ADGRV1: variants seen among roughly 807,000 people sequenced by gnomAD.
ADGRV1 encodes adhesion G protein-coupled receptor V1, also known as G-protein coupled receptor 98.
In ADGRV1, 359 loss-of-function variants were observed where a neutral mutation model predicts 596.2. The ratio of observed to expected loss-of-function variants is 0.60; its 90% confidence interval spans 0.55 to 0.66. ADGRV1 has a LOEUF of 0.66. ADGRV1 is among the 30% of genes least tolerant of loss of function. The pLI is 0.00. For missense variants in ADGRV1, 7,274 were observed against 7,575.6 expected (o/e 0.96, Z 1.48); for synonymous variants, 2,681 against 2,679.2 (o/e 1.00, Z -0.02).
chr5:90,693,866 T>C (rs1746815526), intron 32 of ADGRV1, 24 bp from the exon 33 acceptor site: 1 of 1,503,348 alleles, frequency 6.7e-7, no homozygotes, highest in East Asian at 2.3e-5. Context: ...TAACCTGTCT[T>C]TTAATTGTCA....
rs772203969 is a variant in ADGRV1, at chr5:90,685,449, G to A, written c.6275-331G>A. Among the ~76,000 whole-genome samples the A allele has an allele frequency of 9.2e-5, 14 of 151,930 alleles. 1 individual carries two copies. Among genetic ancestry groups the A allele is most frequent in the Non-Finnish European group, 1.8e-4 (12 of 67,988 alleles). On this transcript the variant is annotated intron_variant, in intron 28 of 89. Transcript: ENST00000405460. ...ATATAAAAGAAATTAGCCGGGCATG[G>A]CAGCACGTGCCTGTAGTCCCAGCTA...
chr5:91,067,142 A>ATTT lies in ADGRV1; in HGVS notation c.18153-5288_18153-5286dup, dbSNP rs35645124. Among the ~76,000 whole-genome samples the ATTT allele has an allele frequency of 3.1e-4, 41 of 130,370 alleles. 2 individuals are homozygous for ATTT. The highest frequency in any genetic ancestry group is 2.0e-3 in the South Asian group (8 of 4,042). 85.5% of individuals were successfully genotyped at this position (130,370 alleles called of 152,430 possible). The stretch of plus-strand genomic sequence containing the variant: ...ATAAGTAGGGAGAATTGCAAAGGAG[A>ATTT]TTTTTTTTTTTTTTTTTTTGAGACG... On this transcript the variant is annotated intron_variant, in intron 85 of 89. Transcript: ENST00000405460.
At chr5:90,986,087 TAA>T (rs776991818) in intron 85 of ADGRV1, among the ~76,000 whole-genome samples, 16 of 70,626 alleles carry the variant, frequency 2.3e-4, no homozygotes, top group African/African-American at 1.2e-3. Flanking sequence ...TATATATGCA[TAA>T]TATATATATA....
At chr5:90,965,635 ATATCCATCACTGCATTCT>A (rs1778388918) in intron 84 of ADGRV1, 104 bp downstream of exon 84, 2 of 604,224 alleles carry the variant, frequency 3.3e-6, no homozygotes, top group Non-Finnish European at 5.9e-6. Context: ...GTAATTCCGT[ATATCCATCACTGCATTCT>A]CAGGATATAA....
At chr5:90,783,787 A>G (rs1006389604) in intron 66 of ADGRV1, 51 bp from the exon 67 acceptor site, 78 of 1,354,300 alleles carry the variant, frequency 5.8e-5, no homozygotes, top group Non-Finnish European at 6.9e-5. Flanking sequence ...GGGATTTTAC[A>G]AGCACTTTAA....
At chr5:90,999,189 A>G (rs1781661049) in intron 85 of ADGRV1, among the ~76,000 whole-genome samples, 1 of 151,968 alleles carries the variant, frequency 6.6e-6, no homozygotes, top group Non-Finnish European at 1.5e-5. Context: ...TTATTTCTCT[A>G]TTAACACATC....
intron 26 of ADGRV1, 103 bp downstream of exon 26, chr5:90,679,732 C>A: frequency 1.5e-6 from 1 of 649,590 alleles, no homozygotes; most frequent in South Asian, 2.5e-5. Flanking sequence ...ATGTGTAGGT[C>A]CTTTACATAT....
chr5:90,997,884 A>G (rs1242714028), intron 85 of ADGRV1, among the ~76,000 whole-genome samples: 1 of 152,166 alleles, frequency 6.6e-6, no homozygotes, highest in Non-Finnish European at 1.5e-5. Flanking sequence ...GTGTCTAGGG[A>G]AAATGCATGT....
chr5:91,111,516 TA>T (rs1792368598), intron 87 of ADGRV1, among the ~76,000 whole-genome samples: 1 of 152,222 alleles, frequency 6.6e-6, no homozygotes, highest in Non-Finnish European at 1.5e-5. Flanking sequence ...TCTGCTTAGA[TA>T]CAGTACATAT....
In ADGRV1 at chr5:90,755,075, C is replaced by T. The variant is rs1325121350; in HGVS notation, c.11470C>T (p.Leu3824=). ...CTTGAGAGCTCAACCCAATTTCTTACTGCATGTCGATAATCAAGCTACTGA... is the reference window on the plus strand; with the variant it reads ...CTTGAGAGCTCAACCCAATTTCTTATTGCATGTCGATAATCAAGCTACTGA... ...IHLRAQPNFL[L]HVDNQATENE... The change falls in exon 55 of 90, where the codon CTG becomes TTG. Residue 3824 remains leucine (L), a synonymous_variant. Transcript: ENST00000405460. 6.2e-7 allele frequency: 1 copy of T among 1,610,754 alleles called. No homozygotes were observed. Among genetic ancestry groups the T allele is most frequent in the South Asian group, 1.1e-5 (1 of 91,008 alleles).
chr5:91,126,503 T>C (rs1793769520), intron 87 of ADGRV1, among the ~76,000 whole-genome samples: 1 of 152,052 alleles, frequency 6.6e-6, no homozygotes, highest in Non-Finnish European at 1.5e-5. Flanking sequence ...ATAGACTTAG[T>C]GAAGAGGGTA....
chr5:90,614,627 A>G, intron 1 of ADGRV1: 1 of 601,976 alleles, frequency 1.7e-6, no homozygotes. Flanking sequence ...ACTTCTGAAT[A>G]GTAGAAAGAG....
intron 84 of ADGRV1, among the ~76,000 whole-genome samples, chr5:90,976,320 G>GTATATATA (rs1250040638): frequency 7.2e-4 from 80 of 110,388 alleles, no homozygotes; most frequent in African/African-American, 2.7e-3. Context: ...GTGTGTGTGT[G>GTATATATA]TGTATATATA....
intron 87 of ADGRV1, among the ~76,000 whole-genome samples, chr5:91,104,033 A>G (rs1791628451): frequency 6.6e-6 from 1 of 152,228 alleles, no homozygotes; most frequent in Admixed American, 6.5e-5. Context: ...TCTTTAAGCA[A>G]GGGGAAGCCA....
intron 85 of ADGRV1, among the ~76,000 whole-genome samples, chr5:90,992,213 G>T (rs1463009127): frequency 6.6e-6 from 1 of 152,196 alleles, no homozygotes; most frequent in African/African-American, 2.4e-5. Flanking sequence ...CTTAAAACAT[G>T]ATTCAAATTC....
chr5:90,812,773 A>T (rs1278902372), intron 74 of ADGRV1, among the ~76,000 whole-genome samples: 1 of 152,088 alleles, frequency 6.6e-6, no homozygotes, highest in Non-Finnish European at 1.5e-5. Context: ...TTCTTATTCT[A>T]TTCTACAAGT....
intron 74 of ADGRV1, among the ~76,000 whole-genome samples, chr5:90,814,398 C>A (rs1219355355): frequency 6.6e-6 from 1 of 152,126 alleles, no homozygotes; most frequent in Non-Finnish European, 1.5e-5. Flanking sequence ...CCTTAGAATG[C>A]CAGGAATCAG....
intron 60 of ADGRV1, among the ~76,000 whole-genome samples, chr5:90,775,503 G>A (rs1204189813): frequency 6.6e-6 from 1 of 152,122 alleles, no homozygotes; most frequent in Non-Finnish European, 1.5e-5. Flanking sequence ...TTGAGGCAGG[G>A]TCTTGCTCTG....
chr5:90,594,898 A>G (rs1760057474), intron 1 of ADGRV1, among the ~76,000 whole-genome samples: 2 of 149,650 alleles, frequency 1.3e-5, no homozygotes, highest in Non-Finnish European at 1.5e-5. Context: ...CTACACAGAC[A>G]CGGCAACCAT....
Sources: allele counts gnomAD v4.1 joint callset (sites outside exome capture counted in the v4.1 genomes callset), GRCh38; gene constraint gnomAD v4.1.1; transcripts MANE v1.5; gene names NCBI Gene and HGNC (gene_info 2026-07-23, HGNC 2026-07-21).